The following TADA3 variants were observed in gnomAD, a reference collection of about 807,000 sequenced individuals.
The protein encoded by TADA3 is transcriptional adapter 3.
Under a neutral mutation model 43.2 loss-of-function variants are expected in TADA3, and 25 were observed. The observed-to-expected ratio is 0.58, with a 90% CI of 0.42 to 0.81. The LOEUF (loss-of-function observed/expected upper bound fraction) is 0.81. TADA3 is among the 30% of genes least tolerant of loss of function. The pLI, the probability that TADA3 is intolerant of heterozygous loss-of-function variation, is 0.00. For missense variants in TADA3, 441 were observed against 567.8 expected (o/e 0.78, Z 2.27); for synonymous variants, 235 against 225.5 (o/e 1.04, Z -0.38).
intron 8 of TADA3, among the ~76,000 whole-genome samples, chr3:9,781,760 G>A (rs1246846287): frequency 2.0e-5 from 3 of 152,032 alleles, no homozygotes; most frequent in Non-Finnish European, 4.4e-5. Context: ...CCTTGCAGCT[G>A]CTCTGCAGCA....
intron 4 of TADA3, chr3:9,788,010 A>G: frequency 3.3e-6 from 1 of 302,020 alleles, no homozygotes; most frequent in Non-Finnish European, 6.5e-6. Context: ...GAAGAGGGAT[A>G]TGGCCGAGGA....
At chr3:9,786,699 T>C (rs565347179) in intron 6 of TADA3, among the ~76,000 whole-genome samples, 3 of 152,156 alleles carry the variant, frequency 2.0e-5, no homozygotes, top group Non-Finnish European at 2.9e-5. Flanking sequence ...TTGGGGAAAG[T>C]TGGAGAAAAA....
chr3:9,791,636 A>G, intron 1 of TADA3, 143 bp from the exon 2 acceptor site: 1 of 577,512 alleles, frequency 1.7e-6, no homozygotes, highest in Non-Finnish European at 3.1e-6. Context: ...CTCACAGGGC[A>G]CTTAACTGGG....
intron 4 of TADA3, chr3:9,788,091 G>A (rs2078657402): frequency 4.4e-6 from 1 of 225,602 alleles, no homozygotes; most frequent in Non-Finnish European, 9.0e-6. Flanking sequence ...TAGATAACGG[G>A]AGGAAGAAAG....
rs201065983 is a variant in TADA3 at position 9,781,344 on chromosome 3, CTCTG to C, written c.1107-799_1107-796del. 9.8e-3 allele frequency among the ~76,000 whole-genome samples: 1,485 copies of C among 152,192 alleles called. 16 individuals are homozygous for C. The highest frequency in any genetic ancestry group is 0.011 in the Non-Finnish European group (721 of 68,000). Reference sequence around the variant, plus strand: ...ACACACAGGCACACCCACTCTCTCTCTCTGTCTTTCAGTTAATCCTAACAACCCT... The same window carrying C: ...ACACACAGGCACACCCACTCTCTCTCTCTTTCAGTTAATCCTAACAACCCT... On this transcript the variant is annotated intron_variant, in intron 8 of 8. Coordinates refer to ENST00000301964, the MANE Select transcript of TADA3 (RefSeq NM_006354.5).
chr3:9,781,284 T>A (rs567864237), intron 8 of TADA3, among the ~76,000 whole-genome samples: 2 of 151,140 alleles, frequency 1.3e-5, no homozygotes, highest in Non-Finnish European at 3.0e-5. Flanking sequence ...GTCTCTAAAA[T>A]ATATATATAT....
upstream of TADA3, chr3:9,792,664 C>A: frequency 8.1e-7 from 1 of 1,232,498 alleles, no homozygotes; most frequent in Non-Finnish European, 1.0e-6. Context: ...CGGCCGAGAT[C>A]TCCGCGCTGC....
At chr3:9,792,991 C>T, upstream of TADA3, 1 of 1,470,778 alleles carries the variant, frequency 6.8e-7, no homozygotes, top group Non-Finnish European at 9.0e-7. Flanking sequence ...GGCTCTCTAC[C>T]CCGCTCGGAG....
chr3:9,784,261 G>A (rs768801737), intron 7 of TADA3, 48 bp from the exon 8 acceptor site: 2 of 1,574,750 alleles, frequency 1.3e-6, no homozygotes, highest in East Asian at 2.3e-5. Flanking sequence ...GCTTGGAGAA[G>A]GGCCCACCTT....
rs1040971800 is a variant in TADA3, at chr3:9,792,235, G to A, written c.-47C>T. 5.9e-5 allele frequency: 9 copies of A among 153,568 alleles called. No homozygotes were observed. The highest frequency in any genetic ancestry group is 1.0e-4 in the Non-Finnish European group (7 of 69,022). The allele number at this position is 153,568 out of a possible 1,614,324, so 9.5% of individuals were successfully genotyped here. A position where few individuals can be genotyped will look rare whatever the true frequency, so the allele number is the denominator to read the frequency against. On this transcript the variant is annotated 5_prime_UTR_variant, in exon 1 of 9. Transcript: ENST00000301964. ...ACCTACCTCCCTGGGATGTTCTGAG[G>A]ATTAAGAGATGATGCCCGTCAAGAG...
chr3:9,789,888 G>A lies in TADA3; in HGVS notation c.283C>T (p.Pro95Ser). The A allele has an allele frequency of 6.2e-7, 1 of 1,614,216 alleles. No homozygotes were observed. Among genetic ancestry groups the A allele is most frequent in the Non-Finnish European group, 8.5e-7 (1 of 1,180,046 alleles). The change falls in exon 3 of 9, where the codon CCC (proline) becomes TCC (serine). Residue 95 changes from proline (P) to serine (S), a missense_variant. By Grantham distance (74) the Pro-to-Ser change is moderately conservative. Coordinates refer to ENST00000301964, the MANE Select transcript of TADA3 (RefSeq NM_006354.5). ...TTCTTGGGCTTCCCATGTTTGGGGG[G>A]AGCTCCAAGTTCATGGTCTCGACCC... ...KLGRDHELGAPPKHGKPKKQK... is the reference protein window; with the variant it reads ...KLGRDHELGASPKHGKPKKQK...
At chr3:9,785,653 T>C (rs1318411705) in intron 6 of TADA3, among the ~76,000 whole-genome samples, 1 of 152,234 alleles carries the variant, frequency 6.6e-6, no homozygotes, top group Non-Finnish European at 1.5e-5. Flanking sequence ...GAGAAATGAT[T>C]AACACTCAAT....
At chr3:9,786,560 C>G (rs2078617028) in intron 6 of TADA3, among the ~76,000 whole-genome samples, 1 of 152,138 alleles carries the variant, frequency 6.6e-6, no homozygotes, top group Non-Finnish European at 1.5e-5. Flanking sequence ...TGAACAGTTC[C>G]CTTTTCTGAG....
chr3:9,780,584 C>T, intron 8 of TADA3, 35 bp from the exon 9 acceptor site: 2 of 1,578,664 alleles, frequency 1.3e-6, no homozygotes, highest in Non-Finnish European at 1.7e-6. Flanking sequence ...CCAGGGTCAG[C>T]CCACCTCCAG....
chr3:9,788,925 T>C (rs2078677842), intron 4 of TADA3, among the ~76,000 whole-genome samples: 1 of 150,980 alleles, frequency 6.6e-6, no homozygotes, highest in Non-Finnish European at 1.5e-5. Context: ...AACTTCCACC[T>C]CCCGGGTCCA....
In TADA3 at chr3:9,780,570, G is replaced by C. The variant is rs745328298; in HGVS notation, c.1107-21C>G. On this transcript the variant is annotated intron_variant, in intron 8 of 8. Coordinates refer to ENST00000301964, the MANE Select transcript of TADA3 (RefSeq NM_006354.5). The stretch of plus-strand genomic sequence containing the variant: ...CCAGCCTGTGGGGACCAGCCAGCCA[G>C]GTGCCAGGGTCAGCCCACCTCCAGA... 136 of 1,592,366 alleles carry C rather than the reference G, an allele frequency of 8.5e-5. 2 individuals are homozygous for C. The South Asian group carries it at 1.5e-3, about 17-fold the overall frequency.
In TADA3 at chr3:9,791,184, T is replaced by C. The variant is rs912195300; in HGVS notation, c.207+76A>G. Reference sequence around the variant, plus strand: ...CCCCTGTACCCCAAGTCTCAGCATATGGGGCTAACTCAATGACCCATCCCA... The same window carrying C: ...CCCCTGTACCCCAAGTCTCAGCATACGGGGCTAACTCAATGACCCATCCCA... On this transcript the variant is annotated intron_variant, in intron 2 of 8. Transcript: ENST00000301964. The C allele has an allele frequency of 9.7e-6, 14 of 1,448,386 alleles. No homozygotes were observed. The Admixed American group carries it at 2.4e-4, about 25-fold the overall frequency. 89.7% of individuals were successfully genotyped at this position (1,448,386 alleles called of 1,614,324 possible).
chr3:9,790,412 C>A (rs1042331611), intron 2 of TADA3, among the ~76,000 whole-genome samples: 1 of 152,160 alleles, frequency 6.6e-6, no homozygotes, highest in Admixed American at 6.5e-5. Context: ...CCTTTTAGGT[C>A]CAGTTGGCAC....
At position 9,789,618 on chromosome 3, in the gene TADA3, C is replaced by T. The variant is rs1559720899; in HGVS notation, c.459-4G>A. 3.1e-6 allele frequency: 5 copies of T among 1,613,582 alleles called. No individual in the cohort carries two copies. The highest frequency in any genetic ancestry group is 4.2e-6 in the Non-Finnish European group (5 of 1,179,688). ...GGGCTCCACTGAAGCCCAGAACCTG[C>T]AGGGAGAAGCAGATCCTGAGTGGGC... On this transcript the variant is annotated splice_polypyrimidine_tract_variant and splice_region_variant and intron_variant, in intron 3 of 8. Coordinates refer to ENST00000301964, the MANE Select transcript of TADA3 (RefSeq NM_006354.5).
Sources: gnomAD v4.1 joint callset for allele counts (sites outside exome capture counted in the v4.1 genomes callset) on GRCh38, gnomAD v4.1.1 for gene constraint, MANE v1.5 for transcripts, NCBI Gene and HGNC (gene_info 2026-07-23, HGNC 2026-07-21) for gene names.